Variants in NEBL observed in about 807,000 individuals in gnomAD.
The protein encoded by NEBL is LIM and SH3 protein 2.
NEBL carries 122 observed loss-of-function variants against 140.2 expected under a neutral mutation model. The ratio of observed to expected loss-of-function variants is 0.87; its 90% CI spans 0.75 to 1.01. NEBL has a LOEUF of 1.01. Ranked by LOEUF, NEBL falls within the 50% of genes least tolerant of loss-of-function variation. NEBL has a pLI of 0.00. For synonymous variants in NEBL, 436 were observed against 398.9 expected (o/e 1.09, Z -1.11); for missense variants, 1,365 against 1,231.3 (o/e 1.11, Z -1.62).
At chr10:20,836,073 T>C (rs1840859590) in intron 13 of NEBL, among the ~76,000 whole-genome samples, 1 of 152,056 alleles carries the variant, frequency 6.6e-6, no homozygotes. Flanking sequence ...TTTGTAGATA[T>C]TGCATTTTTT....
chr10:21,188,675 A>G (rs1254400433), intron 3 of NEBL, among the ~76,000 whole-genome samples: 7 of 145,406 alleles, frequency 4.8e-5, no homozygotes, highest in Admixed American at 1.4e-4. Context: ...ATTCCAGCTC[A>G]CTGCAACCTC....
intron 20 of NEBL, 67 bp from the exon 21 acceptor site, chr10:20,817,759 A>C: frequency 1.6e-6 from 2 of 1,280,022 alleles, no homozygotes; most frequent in South Asian, 2.4e-5. Context: ...CACAAAGGAC[A>C]AGGCTCAAAA....
intron 26 of NEBL, among the ~76,000 whole-genome samples, chr10:20,788,800 C>T (rs952751205): frequency 2.6e-5 from 4 of 152,066 alleles, no homozygotes; most frequent in African/African-American, 9.7e-5. Flanking sequence ...AAAATCCACT[C>T]ACGAAGAAAA....
chr10:21,268,553 T>G (rs1335789169), intron 1 of NEBL, among the ~76,000 whole-genome samples: 1 of 151,594 alleles, frequency 6.6e-6, no homozygotes, highest in Non-Finnish European at 1.5e-5. Context: ...AGATGGTATC[T>G]TGCTCTGTCA....
At chr10:21,004,458 C>T (rs1229046698) in intron 3 of NEBL, among the ~76,000 whole-genome samples, 4 of 152,204 alleles carry the variant, frequency 2.6e-5, no homozygotes, top group African/African-American at 7.2e-5. Flanking sequence ...CGGTGGCTCA[C>T]GCCTGTAATC....
At chr10:20,986,624 A>C (rs892547635) in intron 3 of NEBL, among the ~76,000 whole-genome samples, 1 of 152,238 alleles carries the variant, frequency 6.6e-6, no homozygotes, top group African/African-American at 2.4e-5. Context: ...ATATCAAAAC[A>C]TTGATGCACA....
intron 2 of NEBL, among the ~76,000 whole-genome samples, chr10:21,168,374 C>G (rs1198789326): frequency 6.6e-6 from 1 of 152,006 alleles, no homozygotes; most frequent in African/African-American, 2.4e-5. Context: ...ATAAGAAATG[C>G]TACTTAAGCC....
chr10:20,958,718 T>C (rs2131612473), intron 4 of NEBL, among the ~76,000 whole-genome samples: 1 of 152,342 alleles, frequency 6.6e-6, no homozygotes, highest in Middle Eastern at 3.4e-3. Flanking sequence ...TTTTCTTGTT[T>C]TGTTCTGTGG....
At chr10:20,901,588 A>T (rs936168473), upstream of NEBL, among the ~76,000 whole-genome samples, 6 of 151,892 alleles carry the variant, frequency 4.0e-5, no homozygotes, top group African/African-American at 1.5e-4. Flanking sequence ...GGGGGGAAAA[A>T]AGTACAGAGA....
intron 26 of NEBL, among the ~76,000 whole-genome samples, chr10:20,807,640 A>T (rs546651326): frequency 1.3e-5 from 2 of 151,978 alleles, no homozygotes; most frequent in African/African-American, 4.8e-5. Context: ...TTTACCCACC[A>T]AGGTGTTAAG....
At chr10:20,965,458 A>C (rs910292769) in intron 3 of NEBL, among the ~76,000 whole-genome samples, 6 of 152,196 alleles carry the variant, frequency 3.9e-5, no homozygotes, top group Non-Finnish European at 8.8e-5. Flanking sequence ...AGAGCTATGC[A>C]GGCAGAGGGA....
chr10:20,892,890 G>C (rs534024228), intron 2 of NEBL, among the ~76,000 whole-genome samples: 4 of 152,284 alleles, frequency 2.6e-5, no homozygotes, highest in Admixed American at 2.0e-4. Flanking sequence ...ATACACCCTG[G>C]AAGGAAAAAC....
chr10:20,978,034 A>G (rs45586437), intron 3 of NEBL, among the ~76,000 whole-genome samples: 5,154 of 152,348 alleles, frequency 0.034, 99 homozygotes, highest in Middle Eastern at 0.054. Context: ...ACATCCTTTT[A>G]AAAATCTTTT....
chr10:21,269,533 T>A (rs1199580919), intron 1 of NEBL, among the ~76,000 whole-genome samples: 1 of 152,194 alleles, frequency 6.6e-6, no homozygotes, highest in Non-Finnish European at 1.5e-5. Context: ...AACAAAATAA[T>A]GAACGTTCGT....
chr10:21,060,490 C>T (rs916520444), intron 2 of NEBL, among the ~76,000 whole-genome samples: 1 of 152,154 alleles, frequency 6.6e-6, no homozygotes, highest in Non-Finnish European at 1.5e-5. Context: ...TTATATCGTA[C>T]ACCCTCTTGC....
intron 5 of NEBL, 146 bp from the exon 6 acceptor site, chr10:20,869,987 G>T: frequency 1.5e-6 from 1 of 670,908 alleles, no homozygotes. Flanking sequence ...GCATCTATTT[G>T]TATAGCTATA....
chr10:21,010,426 T>A (rs1838293097), intron 3 of NEBL, among the ~76,000 whole-genome samples: 1 of 151,846 alleles, frequency 6.6e-6, no homozygotes, highest in African/African-American at 2.4e-5. Flanking sequence ...TTAATTTTTT[T>A]TTTTTTTTGC....
chr10:21,062,075 T>C (rs1835329738), intron 2 of NEBL, among the ~76,000 whole-genome samples: 1 of 152,232 alleles, frequency 6.6e-6, no homozygotes, highest in Non-Finnish European at 1.5e-5. Context: ...TGGTGAAGAT[T>C]CTAGTCGTGT....
intron 2 of NEBL, among the ~76,000 whole-genome samples, chr10:20,893,510 G>A (rs930543488): frequency 2.6e-5 from 4 of 152,180 alleles, no homozygotes; most frequent in Non-Finnish European, 5.9e-5. Flanking sequence ...AACTAGGTGG[G>A]GGGAGAAAGA....
Sources: allele counts gnomAD v4.1 joint callset (sites outside exome capture counted in the v4.1 genomes callset), GRCh38; gene constraint gnomAD v4.1.1; transcripts MANE v1.5; gene names NCBI Gene and HGNC (gene_info 2026-07-23, HGNC 2026-07-21).